The following CLASP2 variants were observed in gnomAD, a reference collection of about 807,000 sequenced individuals.
CLASP2 encodes CLIP-associating protein 2.
Under a neutral mutation model 194.4 loss-of-function variants are expected in CLASP2, and 47 were observed. That is an observed-to-expected ratio of 0.24 (90% CI 0.19 to 0.31). The LOEUF (loss-of-function observed/expected upper bound fraction) is 0.31. CLASP2 is among the 10% of genes least tolerant of loss of function. CLASP2 has a pLI of 1.00. For synonymous variants in CLASP2, 619 were observed against 633.5 expected (o/e 0.98, Z 0.34); for missense variants, 1,445 against 1,823.6 (o/e 0.79, Z 3.78).
intron 8 of CLASP2, among the ~76,000 whole-genome samples, chr3:33,634,652 T>C (rs899300744): frequency 6.6e-6 from 1 of 152,230 alleles, no homozygotes; most frequent in African/African-American, 2.4e-5. Context: ...ATGCATTGTA[T>C]TCTTGAAAAT....
chr3:33,571,685 G>A (rs1404689011), intron 25 of CLASP2, among the ~76,000 whole-genome samples: 5 of 151,764 alleles, frequency 3.3e-5, no homozygotes, highest in Admixed American at 3.3e-4. Context: ...GTGTGGTGGT[G>A]CACGCCTGTA....
At chr3:33,540,127 A>G (rs1436148869) in intron 32 of CLASP2, among the ~76,000 whole-genome samples, 1 of 151,538 alleles carries the variant, frequency 6.6e-6, no homozygotes, top group Non-Finnish European at 1.5e-5. Flanking sequence ...ATGGGGTTTC[A>G]CCATGTTGAC....
chr3:33,584,690 G>T, intron 22 of CLASP2, 60 bp downstream of exon 22: 3 of 1,353,112 alleles, frequency 2.2e-6, no homozygotes, highest in Non-Finnish European at 3.0e-6. Flanking sequence ...TGCTGCCAAA[G>T]CCTGAAAAAA....
rs533887301 is a variant in CLASP2, at chr3:33,626,612, C to G, written c.1035+376G>C. Among the ~76,000 whole-genome samples, 4 of 152,154 alleles carry G rather than the reference C, an allele frequency of 2.6e-5. No individual in the cohort carries two copies. The South Asian group carries it at 8.3e-4, about 32-fold the overall frequency. On this transcript the variant is annotated intron_variant, in intron 10 of 38. Transcript: ENST00000682230. Reference sequence around the variant, plus strand: ...ACATTGATGCTATGAAAACACTGAACATGCAGGTAAAGTGAACTGCTTTAT... The same window carrying G: ...ACATTGATGCTATGAAAACACTGAAGATGCAGGTAAAGTGAACTGCTTTAT...
At chr3:33,539,218 A>G (rs1416756249) in intron 32 of CLASP2, among the ~76,000 whole-genome samples, 1 of 152,228 alleles carries the variant, frequency 6.6e-6, no homozygotes, top group African/African-American at 2.4e-5. Context: ...CCAGAGGTCA[A>G]CAAACTATGG....
intron 6 of CLASP2, among the ~76,000 whole-genome samples, chr3:33,671,987 C>T (rs1387156868): frequency 6.6e-6 from 1 of 152,208 alleles, no homozygotes; most frequent in Non-Finnish European, 1.5e-5. Flanking sequence ...GGCCTGCCTG[C>T]CTCTGTAGGC....
chr3:33,559,383 T>A lies in CLASP2; in HGVS notation c.2933A>T (p.Glu978Val), dbSNP rs898026717. 6.3e-7 allele frequency: 1 copy of A among 1,579,652 alleles called. No individual in the cohort carries two copies. The highest frequency in any genetic ancestry group is 1.3e-5 in the African/African-American group (1 of 74,308). The change falls in exon 29 of 39, where the codon GAG (glutamate) becomes GTG (valine). Residue 978 changes from glutamate to valine, a missense_variant and splice_region_variant. Glu to Val is a moderately radical substitution (Grantham distance 121). Transcript: ENST00000682230. ...KVQKALDVTR[E>V]SFPNDLQFNI... ...GAACTGAAGATCATTTGGAAAAGACTCTCTGAAACAAGAACAAAGCAAAAC... is the reference window on the plus strand; with the variant it reads ...GAACTGAAGATCATTTGGAAAAGACACTCTGAAACAAGAACAAAGCAAAAC...
intron 34 of CLASP2, among the ~76,000 whole-genome samples, chr3:33,525,808 C>T (rs1286528388): frequency 6.6e-6 from 1 of 152,210 alleles, no homozygotes; most frequent in Admixed American, 6.5e-5. Context: ...ATCTAGGGGG[C>T]TGAGCAGTGA....
chr3:33,556,212 AT>A (rs939392369), intron 29 of CLASP2, among the ~76,000 whole-genome samples: 9 of 152,314 alleles, frequency 5.9e-5, no homozygotes, highest in African/African-American at 2.2e-4. Context: ...GAGATGTAAA[AT>A]TTTATATAAA....
At chr3:33,616,798 C>T (rs1442047415) in intron 12 of CLASP2, among the ~76,000 whole-genome samples, 5 of 131,162 alleles carry the variant, frequency 3.8e-5, no homozygotes, top group Admixed American at 3.6e-4. Flanking sequence ...AGTGCAGTGG[C>T]GTAATCTCGG....
At chr3:33,664,531 T>C (rs1205373193) in intron 6 of CLASP2, among the ~76,000 whole-genome samples, 1 of 152,224 alleles carries the variant, frequency 6.6e-6, no homozygotes, top group African/African-American at 2.4e-5. Context: ...AAATAAATTA[T>C]TGGCTTATTT....
At chr3:33,592,254 A>G (rs1272926833) in intron 21 of CLASP2, 141 bp downstream of exon 21, 15 of 725,930 alleles carry the variant, frequency 2.1e-5, no homozygotes, top group Admixed American at 1.4e-4. Context: ...AGTACAGAAC[A>G]AGAACTCAGT....
In CLASP2 at chr3:33,596,744, A is replaced by G; in HGVS notation, c.1925-10T>C. 4 of 1,558,424 alleles carry G rather than the reference A, an allele frequency of 2.6e-6. No individual in the cohort carries two copies. The highest frequency in any genetic ancestry group is 3.5e-6 in the Non-Finnish European group (4 of 1,148,676). ...TTGTCAGAAGTATCCTCTTTGATGA[A>G]AGCACAAGCAAAGAACAGAGGAAAA... On this transcript the variant is annotated splice_polypyrimidine_tract_variant and intron_variant, in intron 18 of 38. Coordinates refer to ENST00000682230, the MANE Select transcript of CLASP2 (RefSeq NM_001365631.1).
At position 33,516,116 on chromosome 3, in the gene CLASP2, T is replaced by C. The variant is rs780788644; in HGVS notation, c.4017A>G (p.Arg1339=). 9.3e-6 allele frequency: 15 copies of C among 1,609,370 alleles called. 1 individual carries two copies. Among genetic ancestry groups the C allele is most frequent in the Non-Finnish European group, 1.1e-5 (13 of 1,177,714 alleles). Residue 1339 remains arginine (R), a synonymous_variant, in exon 36 of 39, where the codon AGA becomes AGG. Coordinates refer to ENST00000682230, the MANE Select transcript of CLASP2 (RefSeq NM_001365631.1). ...TIRALALKVL[R]EILRHQPARF... ...TTGCTGGTTGATGCCTTAGGATTTC[T>C]CTTAAAACCTTTAATGCCAAAGCCC...
intron 23 of CLASP2, 189 bp from the exon 24 acceptor site, chr3:33,576,464 T>C (rs2064910811): frequency 3.7e-6 from 2 of 535,668 alleles, no homozygotes; most frequent in East Asian, 6.2e-5. Flanking sequence ...CAATTAAAAT[T>C]ACTGACAATG....
At chr3:33,573,606 A>G (rs148985277) in intron 24 of CLASP2, among the ~76,000 whole-genome samples, 94 of 152,346 alleles carry the variant, frequency 6.2e-4, no homozygotes, top group African/African-American at 2.1e-3. Flanking sequence ...AAGTTCAGAT[A>G]TGTAAAGTGG....
intron 34 of CLASP2, among the ~76,000 whole-genome samples, chr3:33,522,148 C>A (rs1159178713): frequency 1.3e-5 from 2 of 152,190 alleles, no homozygotes; most frequent in African/African-American, 4.8e-5. Flanking sequence ...AGCCCTTCCC[C>A]CTCTAGCTAA....
At chr3:33,546,622 A>G (rs1348267515) in intron 30 of CLASP2, among the ~76,000 whole-genome samples, 3 of 152,188 alleles carry the variant, frequency 2.0e-5, no homozygotes, top group Admixed American at 6.5e-5. Flanking sequence ...ATAGGCTTAT[A>G]AAATTATTTC....
intron 3 of CLASP2, 43 bp downstream of exon 3, chr3:33,689,786 T>C (rs1463017695): frequency 1.5e-6 from 2 of 1,357,472 alleles, no homozygotes; most frequent in African/African-American, 2.9e-5. Flanking sequence ...TGATTTCCTG[T>C]GATTACCATT....
Sources: allele counts gnomAD v4.1 joint callset (sites outside exome capture counted in the v4.1 genomes callset), GRCh38; gene constraint gnomAD v4.1.1; transcripts MANE v1.5; gene names NCBI Gene and HGNC (gene_info 2026-07-23, HGNC 2026-07-21).